Variants in ALK observed in about 807,000 individuals in gnomAD.
ALK encodes ALK tyrosine kinase receptor.
Under a neutral mutation model 163.1 loss-of-function variants are expected in ALK, and 74 were observed. The observed-to-expected ratio is 0.45, with a 90% confidence interval of 0.38 to 0.55. The LOEUF is 0.55. Ranked by LOEUF, ALK falls within the 20% of genes least tolerant of loss-of-function variation. The pLI is 0.00. For synonymous variants in ALK, 960 were observed against 843.2 expected (o/e 1.14, Z -2.40); for missense variants, 2,063 against 2,105.3 (o/e 0.98, Z 0.39).
At position 29,921,320 on chromosome 2, in the gene ALK, A is replaced by G; in HGVS notation, c.-661T>C. On this transcript the variant is annotated 5_prime_UTR_variant, in exon 1 of 29. Coordinates refer to ENST00000389048, the MANE Select transcript of ALK (RefSeq NM_004304.5). ...CAGCCCCCGCGCTGCGCAAGTTTGC[A>G]GCGTCCTTGCTCTCACCGGCGCCTC... is the stretch of plus-strand genomic sequence containing the variant. 1.3e-5 allele frequency: 3 copies of G among 233,380 alleles called. No homozygotes were observed. The highest frequency in any genetic ancestry group is 2.5e-5 in the Non-Finnish European group (3 of 118,156). The allele number at this position is 233,380 out of a possible 1,614,324, so 14.5% of individuals were successfully genotyped here. A position where few individuals can be genotyped will look rare whatever the true frequency, so the allele number is the denominator to read the frequency against.
intron 1 of ALK, among the ~76,000 whole-genome samples, chr2:29,874,022 C>A (rs1666641807): frequency 6.6e-6 from 1 of 152,118 alleles, no homozygotes; most frequent in East Asian, 1.9e-4. Context: ...ATCCTCCTTA[C>A]AATGACCTCC....
In ALK at chr2:29,376,113, C is replaced by A. The variant is rs531815053; in HGVS notation, c.1282+7619G>T. Among the ~76,000 whole-genome samples the A allele has an allele frequency of 2.7e-3, 401 of 150,044 alleles. 2 individuals carry two copies. The highest frequency in any genetic ancestry group is 9.3e-3 in the African/African-American group (379 of 40,748). ...TCTCCTCCGTCCAGAGAAATTCCAA[C>A]CCCCCATAAACTTCTCCCCCACACA... On this transcript the variant is annotated intron_variant, in intron 5 of 28. Transcript: ENST00000389048.
chr2:29,209,138 A>C (rs760839143), intron 25 of ALK, among the ~76,000 whole-genome samples: 11 of 149,390 alleles, frequency 7.4e-5, no homozygotes, highest in Non-Finnish European at 1.5e-4. Context: ...GGAGTTGAGG[A>C]AGTTCAATAA....
intron 15 of ALK, among the ~76,000 whole-genome samples, chr2:29,230,289 CTTTTTT>C (rs5830106): frequency 7.2e-6 from 1 of 138,918 alleles, no homozygotes; most frequent in African/African-American, 2.7e-5. Flanking sequence ...ACACAATCAT[CTTTTTT>C]TTTTTTTTTG....
chr2:29,756,385 G>A (rs987378969), intron 1 of ALK, among the ~76,000 whole-genome samples: 1 of 152,182 alleles, frequency 6.6e-6, no homozygotes, highest in South Asian at 2.1e-4. Flanking sequence ...AAACTCAGAA[G>A]GGGACAAGGA....
chr2:29,445,400 A>G (rs1670647400), intron 4 of ALK, among the ~76,000 whole-genome samples: 1 of 152,230 alleles, frequency 6.6e-6, no homozygotes, highest in African/African-American at 2.4e-5. Context: ...CTATAAAAAG[A>G]CAATTACTTA....
chr2:29,745,208 C>T (rs1032392774), intron 1 of ALK, among the ~76,000 whole-genome samples: 9 of 152,224 alleles, frequency 5.9e-5, no homozygotes, highest in South Asian at 4.1e-4. Flanking sequence ...CACATTTTAC[C>T]GAAGAAGAAA....
At chr2:29,742,294 C>T (rs1471484923) in intron 1 of ALK, among the ~76,000 whole-genome samples, 5 of 152,218 alleles carry the variant, frequency 3.3e-5, no homozygotes, top group Non-Finnish European at 7.3e-5. Flanking sequence ...GCTTTTCCCA[C>T]AGTAGGTATG....
rs147954528 is a variant in ALK, at chr2:29,770,254, CA to C, written c.668-52558del. On this transcript the variant is annotated intron_variant, in intron 1 of 28. Coordinates refer to ENST00000389048, the MANE Select transcript of ALK (RefSeq NM_004304.5). ...CCCATTGGATTGCCAGAATCATGGC[CA>C]CTAGGCCTATACCTCTAAGCAGGTA... is the stretch of plus-strand genomic sequence containing the variant. Among the ~76,000 whole-genome samples the C allele has an allele frequency of 5.2e-3, 796 of 152,348 alleles. 5 individuals are homozygous for C. The highest frequency in any genetic ancestry group is 0.018 in the African/African-American group (761 of 41,572).
chr2:29,268,108 C>T lies in ALK; in HGVS notation c.2041+6991G>A, dbSNP rs535070685. Among the ~76,000 whole-genome samples, 5 of 152,282 alleles carry T rather than the reference C, an allele frequency of 3.3e-5. No homozygotes were observed. The South Asian group carries it at 6.2e-4, about 19-fold the overall frequency. On this transcript the variant is annotated intron_variant, in intron 11 of 28. Coordinates refer to ENST00000389048, the MANE Select transcript of ALK (RefSeq NM_004304.5). ...CTGCTGCTTAGAAGGGCAACAGTATCGACTTTATGTGGAAGCATTTTGTCA... is the reference window on the plus strand; with the variant it reads ...CTGCTGCTTAGAAGGGCAACAGTATTGACTTTATGTGGAAGCATTTTGTCA...
At chr2:29,742,215 A>AAAT (rs1275302984) in intron 1 of ALK, among the ~76,000 whole-genome samples, 5 of 152,254 alleles carry the variant, frequency 3.3e-5, no homozygotes, top group Non-Finnish European at 7.3e-5. Context: ...CAGGTCCATT[A>AAAT]GGTGAGATGC....
intron 4 of ALK, among the ~76,000 whole-genome samples, chr2:29,467,536 T>C (rs1034184792): frequency 2.6e-5 from 4 of 152,180 alleles, no homozygotes; most frequent in African/African-American, 7.2e-5. Flanking sequence ...TTTTAAAAGG[T>C]ACAAGGATGA....
At chr2:29,827,633 C>G (rs1362959248) in intron 1 of ALK, among the ~76,000 whole-genome samples, 1 of 152,118 alleles carries the variant, frequency 6.6e-6, no homozygotes, top group East Asian at 1.9e-4. Flanking sequence ...GATTCCACAG[C>G]CCAAGACTAC....
In ALK at chr2:29,524,228, T is replaced by C. The variant is rs1361034269; in HGVS notation, c.1154+7687A>G. Among the ~76,000 whole-genome samples the C allele has an allele frequency of 2.6e-5, 4 of 152,186 alleles. No homozygotes were observed. The East Asian group carries it at 5.8e-4, about 22-fold the overall frequency. The stretch of plus-strand genomic sequence containing the variant: ...AGAACCCCTACTATGTGCTAGGCAG[T>C]GTGCCAGACATTGCTAGCATAAAAA... On this transcript the variant is annotated intron_variant, in intron 4 of 28. Coordinates refer to ENST00000389048, the MANE Select transcript of ALK (RefSeq NM_004304.5).
At chr2:29,245,282 C>T (rs1302040958) in intron 12 of ALK, among the ~76,000 whole-genome samples, 2 of 138,198 alleles carry the variant, frequency 1.4e-5, no homozygotes, top group African/African-American at 2.8e-5. Context: ...CAATGCCCTG[C>T]ACACAGCAGG....
intron 3 of ALK, among the ~76,000 whole-genome samples, chr2:29,663,113 C>T (rs771723615): frequency 1.3e-5 from 2 of 152,172 alleles, no homozygotes; most frequent in African/African-American, 2.4e-5. Flanking sequence ...TCAACTACCA[C>T]TGTATTTCCT....
intron 3 of ALK, among the ~76,000 whole-genome samples, chr2:29,549,164 A>ACG (rs1461538192): frequency 9.4e-4 from 134 of 142,896 alleles, no homozygotes; most frequent in African/African-American, 3.3e-3. Context: ...ACACACACGC[A>ACG]CACACACACG....
chr2:29,771,482 G>A (rs1379663996), intron 1 of ALK, among the ~76,000 whole-genome samples: 2 of 152,114 alleles, frequency 1.3e-5, no homozygotes, highest in African/African-American at 2.4e-5. Flanking sequence ...AAACAATGGA[G>A]TGATGTCTTC....
rs60320646 is a variant in ALK at position 29,696,530 on chromosome 2, TAAAAAAA to T, written c.788-1523_788-1517del. Among the ~76,000 whole-genome samples, 19 of 103,838 alleles carry T rather than the reference TAAAAAAA, an allele frequency of 1.8e-4. No homozygotes were observed. In the South Asian group the frequency reaches 5.8e-3, roughly 32 times the overall value. The allele number at this position is 103,838 out of a possible 152,430, so 68.1% of individuals were successfully genotyped here. On this transcript the variant is annotated intron_variant, in intron 2 of 28. Transcript: ENST00000389048. ...ACATGTATCCAAGAACTTAAAGGATTAAAAAAAAAAAAAAAAAAAAAAAGAATTCCAG... is the reference window on the plus strand; with the variant it reads ...ACATGTATCCAAGAACTTAAAGGATTAAAAAAAAAAAAAAAAGAATTCCAG...
Sources: allele counts gnomAD v4.1 joint callset (sites outside exome capture counted in the v4.1 genomes callset), GRCh38; gene constraint gnomAD v4.1.1; transcripts MANE v1.5; gene names NCBI Gene and HGNC (gene_info 2026-07-23, HGNC 2026-07-21).